Variants in MAP3K15 observed in about 807,000 individuals in gnomAD.
MAP3K15 encodes mitogen-activated protein kinase kinase kinase 15, also known as MAPK/ERK kinase kinase 15.
A neutral mutation model predicts 99.5 loss-of-function variants in MAP3K15; 124 were observed. That is an observed-to-expected ratio of 1.25 (90% confidence interval 1.08 to 1.45). MAP3K15 has a LOEUF of 1.45. Among genes scored for constraint, MAP3K15 ranks in the 40% most tolerant of loss-of-function variants. The pLI, the probability that MAP3K15 is intolerant of heterozygous loss-of-function variation, is 0.00. For missense variants in MAP3K15, 1,242 were observed against 1,079.7 expected (o/e 1.15, Z -2.11); for synonymous variants, 494 against 439.6 (o/e 1.12, Z -1.55).
chrX:19,499,914 A>G (rs868386126), intron 1 of MAP3K15, among the ~76,000 whole-genome samples: 5 of 112,675 alleles, frequency 4.4e-5, no homozygotes, highest in Admixed American at 9.4e-5. Flanking sequence ...TGAGATTTGT[A>G]TATCACAATG....
rs2063391591 is a variant in MAP3K15, at chrX:19,373,299, G to A, written c.2933+237C>T. ...AGGAGAGGGGAGAGAGAAGGGAAGA[G>A]GAGAGGTGGGGGAGGGCACATGTGG... On this transcript the variant is annotated intron_variant, in intron 21 of 28. Transcript: ENST00000338883. 4 of 386,941 alleles carry A rather than the reference G, an allele frequency of 1.0e-5. No homozygotes were observed. In the East Asian group the frequency reaches 1.7e-4, roughly 16 times the overall value. 31.9% of individuals were successfully genotyped at this position (386,941 alleles called of 1,213,427 possible).
chrX:19,373,556 G>A lies in MAP3K15; in HGVS notation c.2913C>T (p.His971=). The A allele has an allele frequency of 8.5e-7, 1 of 1,171,809 alleles. No individual in the cohort carries two copies. The highest frequency in any genetic ancestry group is 1.9e-5 in the South Asian group (1 of 53,029). The part of the protein sequence containing the change: ...ALFERTRAPR[H]HLGHLLSVPD... The stretch of plus-strand genomic sequence containing the variant: ...TGTACCTGAGGAGGTGGCCAAGGTG[G>A]TGCCTGGGCGCCCGGGTCCTCTCAA... Residue 971 remains histidine, a synonymous_variant, in exon 21 of 29, where the codon CAC becomes CAT. Transcript: ENST00000338883.
rs2053132613 is a variant in MAP3K15, at chrX:19,457,091, A to T, written c.889-72T>A. 7 of 751,007 alleles carry T rather than the reference A, an allele frequency of 9.3e-6. No individual in the cohort carries two copies. In the South Asian group the frequency reaches 1.7e-4, roughly 18 times the overall value. The allele number at this position is 751,007 out of a possible 1,213,427, so 61.9% of individuals were successfully genotyped here. ...TTCACTGATTTTTCTGAATTGTTATAAACAGGAGACAGCCTCCGCACTTAA... is the reference window on the plus strand; with the variant it reads ...TTCACTGATTTTTCTGAATTGTTATTAACAGGAGACAGCCTCCGCACTTAA... On this transcript the variant is annotated intron_variant, in intron 5 of 28. Coordinates refer to ENST00000338883, the MANE Select transcript of MAP3K15 (RefSeq NM_001001671.4).
chrX:19,364,210 C>T (rs1252321971), intron 25 of MAP3K15, among the ~76,000 whole-genome samples: 1 of 112,098 alleles, frequency 8.9e-6, no homozygotes, highest in Non-Finnish European at 1.9e-5. Context: ...ACAGGCTGGG[C>T]TCTTCCCAAG....
At position 19,424,305 on chromosome X, in the gene MAP3K15, CACACAT is replaced by C. The variant is rs1208010432; in HGVS notation, c.1439+1220_1439+1225del. On this transcript the variant is annotated intron_variant, in intron 9 of 28. Coordinates refer to ENST00000338883, the MANE Select transcript of MAP3K15 (RefSeq NM_001001671.4). ...ACACATATATATACACATATATATA[CACACAT>C]ATATATACATATATATATATATTTT... is the stretch of plus-strand genomic sequence containing the variant. Among the ~76,000 whole-genome samples, 74 of 96,697 alleles carry C rather than the reference CACACAT, an allele frequency of 7.7e-4. 1 individual carries two copies. The highest frequency in any genetic ancestry group is 2.9e-3 in the African/African-American group (60 of 20,727). The allele number at this position is 96,697 out of a possible 115,157, so 84.0% of individuals were successfully genotyped here.
intron 25 of MAP3K15, among the ~76,000 whole-genome samples, chrX:19,363,477 G>A (rs146732831): frequency 1.3e-4 from 15 of 111,834 alleles, no homozygotes; most frequent in East Asian, 8.4e-4. Flanking sequence ...AAAACGTATC[G>A]TGAACCAAAA....
At chrX:19,471,956 C>T (rs2064210354) in intron 3 of MAP3K15, among the ~76,000 whole-genome samples, 1 of 111,849 alleles carries the variant, frequency 8.9e-6, no homozygotes, top group South Asian at 3.7e-4. Flanking sequence ...GGCGCGGTGG[C>T]TCACGCCTGT....
At chrX:19,393,637 C>CA (rs376190025) in intron 16 of MAP3K15, among the ~76,000 whole-genome samples, 3,147 of 92,495 alleles carry the variant, frequency 0.034, 142 homozygotes, top group African/African-American at 0.11. Flanking sequence ...GACTCCATCT[C>CA]AAAAAAAAAA....
Position 19,460,113 on chromosome X carries a change from C to T in MAP3K15, c.760G>A (p.Ala254Thr). The change falls in exon 5 of 29, where the codon GCC becomes ACC. Residue 254 changes from alanine to threonine, a missense_variant. Physicochemically the swap from Ala to Thr is moderately conservative, Grantham distance 58. Coordinates refer to ENST00000338883, the MANE Select transcript of MAP3K15 (RefSeq NM_001001671.4). ...KETLLNDIRK[A>T]REKYQGEELA... ...TCCTCACCTTGGTATTTCTCTCTGGCTTTCCGGATGTCATTTAACAAGGTT... is the reference window on the plus strand; with the variant it reads ...TCCTCACCTTGGTATTTCTCTCTGGTTTTCCGGATGTCATTTAACAAGGTT... The T allele has an allele frequency of 8.4e-7, 1 of 1,194,128 alleles. No individual in the cohort carries two copies. Among genetic ancestry groups the T allele is most frequent in the Non-Finnish European group, 1.1e-6 (1 of 892,935 alleles).
Position 19,374,606 on chromosome X carries a change from G to C in MAP3K15, c.2644C>G (p.Arg882Gly). 8.3e-7 allele frequency: 1 copy of C among 1,211,167 alleles called. No individual in the cohort carries two copies. The highest frequency in any genetic ancestry group is 1.1e-6 in the Non-Finnish European group (1 of 895,156). Reference protein sequence around the residue: ...EIPEALSAEARAFILSCFEPD... With the variant: ...EIPEALSAEAGAFILSCFEPD... ...TCGAAACAGGATAAAATGAAGGCTC[G>C]GGCTTCAGCTGAAAGGGCTTCTGGA... The change falls in exon 20 of 29, where the codon CGA (arginine) becomes GGA (glycine). Residue 882 changes from arginine to glycine, a missense_variant. Physicochemically the swap from Arg to Gly is moderately radical, Grantham distance 125 (BLOSUM62 -2). Transcript: ENST00000338883.
intron 4 of MAP3K15, among the ~76,000 whole-genome samples, chrX:19,461,726 C>G (rs1212262218): frequency 9.0e-6 from 1 of 111,121 alleles, no homozygotes; most frequent in Non-Finnish European, 1.9e-5. Flanking sequence ...CATAGTGGCT[C>G]AGGCCTATAA....
intron 1 of MAP3K15, among the ~76,000 whole-genome samples, chrX:19,512,724 G>T (rs1036692030): frequency 6.6e-5 from 7 of 106,829 alleles, no homozygotes; most frequent in Non-Finnish European, 1.3e-4. Context: ...CTTCCAAAGG[G>T]CTGGGATTAC....
At chrX:19,376,100 G>A (rs2063415183) in intron 19 of MAP3K15, among the ~76,000 whole-genome samples, 1 of 111,873 alleles carries the variant, frequency 8.9e-6, no homozygotes, top group Non-Finnish European at 1.9e-5. Context: ...ACACCCGGCT[G>A]GGATGTCCTC....
intron 2 of MAP3K15, 47 bp from the exon 3 acceptor site, chrX:19,486,552 A>T (rs2064327254): frequency 2.9e-6 from 2 of 681,948 alleles, no homozygotes; most frequent in Middle Eastern, 3.3e-4. Flanking sequence ...TAAAACAGCT[A>T]ATTTCCATAA....
At chrX:19,468,547 T>C (rs1439339716) in intron 3 of MAP3K15, among the ~76,000 whole-genome samples, 1 of 111,864 alleles carries the variant, frequency 8.9e-6, no homozygotes, top group Admixed American at 9.5e-5. Flanking sequence ...CTGTCATTCC[T>C]GGGTGAGGAT....
chrX:19,514,264 C>A (rs866008505), intron 1 of MAP3K15, among the ~76,000 whole-genome samples: 1 of 107,790 alleles, frequency 9.3e-6, no homozygotes, highest in Middle Eastern at 4.8e-3. Flanking sequence ...CCAGGTGATT[C>A]TAATATGTAG....
rs144389481 is a variant in MAP3K15 at position 19,403,460 on chromosome X, C to CTT, written c.1845-2799_1845-2798dup. Among the ~76,000 whole-genome samples the CTT allele has an allele frequency of 3.9e-3, 342 of 86,970 alleles. 9 individuals carry two copies. Among genetic ancestry groups the CTT allele is most frequent in the African/African-American group, 0.015 (329 of 21,748 alleles). The allele number at this position is 86,970 out of a possible 115,157, so 75.5% of individuals were successfully genotyped here. ...TCCCTAGTCTGCTATTTATTCTATT[C>CTT]TTTTTTTTTTTTTTTTTTGACAGGA... On this transcript the variant is annotated intron_variant, in intron 13 of 28. Coordinates refer to ENST00000338883, the MANE Select transcript of MAP3K15 (RefSeq NM_001001671.4).
Position 19,426,275 on chromosome X carries a change from A to C in MAP3K15, c.1235T>G (p.Val412Gly), listed in dbSNP as rs1291951349. The C allele has an allele frequency of 1.7e-6, 2 of 1,172,593 alleles. No homozygotes were observed. Among genetic ancestry groups the C allele is most frequent in the Non-Finnish European group, 1.1e-6 (1 of 880,150 alleles). The change falls in exon 8 of 29, where the codon GTT (valine) becomes GGT (glycine). Residue 412 changes from valine to glycine, a missense_variant. Transcript: ENST00000338883. Reference sequence around the variant, plus strand: ...GGAAGTTTCAAATTGTTGTCCAGCAACAATCAGCAAAACTGCAAGATTAAT... The same window carrying C: ...GGAAGTTTCAAATTGTTGTCCAGCACCAATCAGCAAAACTGCAAGATTAAT... ...SGINLAVLLI[V>G]AGQQFETSLE... is the part of the protein sequence containing the mutation.
chrX:19,413,164 CCACATGCCCACACACA>C lies in MAP3K15; in HGVS notation c.1698+177_1698+192del, dbSNP rs72109982. Among the ~76,000 whole-genome samples the C allele has an allele frequency of 5.6e-3, 608 of 108,865 alleles. 2 individuals carry two copies. The highest frequency in any genetic ancestry group is 0.018 in the African/African-American group (543 of 29,864). 94.5% of individuals were successfully genotyped at this position (108,865 alleles called of 115,157 possible). On this transcript the variant is annotated intron_variant, in intron 11 of 28. Coordinates refer to ENST00000338883, the MANE Select transcript of MAP3K15 (RefSeq NM_001001671.4). ...CACACTCCCCCACCCCCACACCTCA[CCACATGCCCACACACA>C]CACATGCCCACACACACACAAAATG... is the stretch of plus-strand genomic sequence containing the variant.
Sources: gnomAD v4.1 joint callset for allele counts (sites outside exome capture counted in the v4.1 genomes callset) on GRCh38, gnomAD v4.1.1 for gene constraint, MANE v1.5 for transcripts, NCBI Gene and HGNC (gene_info 2026-07-23, HGNC 2026-07-21) for gene names.